LTBP1: variants seen among roughly 807,000 people sequenced by gnomAD.
The protein encoded by LTBP1 is latent transforming growth factor beta binding protein 1, also known as latent-transforming growth factor beta-binding protein 1.
A neutral mutation model predicts 207.6 loss-of-function variants in LTBP1; 129 were observed. The ratio of observed to expected loss-of-function variants is 0.62; its 90% CI spans 0.54 to 0.72. The LOEUF is 0.72. LTBP1 is among the 30% of genes least tolerant of loss of function. LTBP1 has a pLI of 0.00. For synonymous variants in LTBP1, 963 were observed against 833.7 expected, an observed-to-expected ratio of 1.16 and a Z score of -2.67; for missense variants, 2,281 against 2,217.2, an observed-to-expected ratio of 1.03 and a Z score of -0.58.
chr2:33,037,085 G>T (rs1398494941), intron 3 of LTBP1, among the ~76,000 whole-genome samples: 3 of 151,976 alleles, frequency 2.0e-5, no homozygotes, highest in Admixed American at 6.6e-5. Flanking sequence ...ACCTGGAAAT[G>T]ATTTTTGAGT....
intron 4 of LTBP1, among the ~76,000 whole-genome samples, chr2:33,133,117 T>A (rs137891541): frequency 3.3e-5 from 5 of 152,274 alleles, no homozygotes; most frequent in African/African-American, 9.6e-5. Context: ...GAGAGATGGT[T>A]GCGTTAGAAA....
chr2:33,359,273 C>T (rs1193935028), intron 26 of LTBP1, among the ~76,000 whole-genome samples: 3 of 152,122 alleles, frequency 2.0e-5, no homozygotes, highest in Non-Finnish European at 4.4e-5. Flanking sequence ...GCTTTGCTTG[C>T]TTTTAATGCC....
Position 33,217,647 on chromosome 2 carries a change from G to A in LTBP1, c.1797G>A (p.Lys599=), listed in dbSNP as rs1204403437. The change falls in exon 8 of 34, where the codon AAG becomes AAA. Residue 599 remains lysine (K), a synonymous_variant. Coordinates refer to ENST00000404816, the MANE Select transcript of LTBP1 (RefSeq NM_206943.4). ...WGFNKCQKCP[K]KPSYHGYNQM... ...TTAACAAATGCCAGAAATGCCCCAA[G>A]AAACCATGTAAGTAATGTTTCCTCA... 1.9e-6 allele frequency: 3 copies of A among 1,611,872 alleles called. No individual in the cohort carries two copies. In the East Asian group the frequency reaches 6.7e-5, roughly 36 times the overall value.
intron 5 of LTBP1, among the ~76,000 whole-genome samples, chr2:33,143,699 G>A (rs1037711132): frequency 3.3e-5 from 5 of 151,890 alleles, no homozygotes; most frequent in African/African-American, 9.7e-5. Context: ...TCCTGCTCCC[G>A]CTCTTGCATC....
intron 1 of LTBP1, 51 bp downstream of exon 1, chr2:32,947,869 G>A (rs764911989): frequency 3.0e-5 from 38 of 1,268,380 alleles, no homozygotes; most frequent in African/African-American, 4.7e-5. Context: ...CGCACCGCCC[G>A]CGGAGGGACC....
At chr2:33,295,351 AC>A (rs1314113487) in intron 20 of LTBP1, among the ~76,000 whole-genome samples, 1 of 152,016 alleles carries the variant, frequency 6.6e-6, no homozygotes, top group African/African-American at 2.4e-5. Context: ...ACATGGTGAA[AC>A]CCTGTCTCTA....
At position 33,175,811 on chromosome 2, in the gene LTBP1, A is replaced by G. The variant is rs564629539; in HGVS notation, c.1202-11045A>G. Among the ~76,000 whole-genome samples the G allele has an allele frequency of 4.4e-4, 54 of 122,742 alleles. 1 individual carries two copies. Among genetic ancestry groups the G allele is most frequent in the African/African-American group, 1.5e-3 (51 of 33,402 alleles). The allele number at this position is 122,742 out of a possible 152,430, so 80.5% of individuals were successfully genotyped here. On this transcript the variant is annotated intron_variant, in intron 5 of 33. Coordinates refer to ENST00000404816, the MANE Select transcript of LTBP1 (RefSeq NM_206943.4). ...AAATGTGGCACATGTACACCGTGGA[A>G]TACTATGCAGCCATAAAAAAATGAT...
At chr2:33,189,402 G>A (rs148019966) in intron 7 of LTBP1, among the ~76,000 whole-genome samples, 1 of 152,122 alleles carries the variant, frequency 6.6e-6, no homozygotes, top group Non-Finnish European at 1.5e-5. Flanking sequence ...CACCATGTTG[G>A]CCAGGTTGGT....
chr2:33,153,255 A>T (rs2083685368), intron 5 of LTBP1, among the ~76,000 whole-genome samples: 1 of 152,196 alleles, frequency 6.6e-6, no homozygotes, highest in East Asian at 1.9e-4. Context: ...GACAAGTTTC[A>T]TCAGAAAAGT....
intron 6 of LTBP1, 135 bp downstream of exon 6, chr2:33,187,215 G>A (rs2087305761): frequency 1.4e-6 from 1 of 696,800 alleles, no homozygotes; most frequent in Non-Finnish European, 2.4e-6. Context: ...CTGAGAAATG[G>A]CAGTAGAGAC....
intron 24 of LTBP1, among the ~76,000 whole-genome samples, chr2:33,318,784 A>T (rs1429996076): frequency 6.6e-6 from 1 of 152,166 alleles, no homozygotes; most frequent in East Asian, 1.9e-4. Context: ...TCGTTGTTTT[A>T]TGGTCCATTT....
At chr2:33,302,498 T>C (rs556058837) in intron 22 of LTBP1, among the ~76,000 whole-genome samples, 6 of 152,238 alleles carry the variant, frequency 3.9e-5, no homozygotes, top group East Asian at 1.9e-4. Context: ...TCACTACCAG[T>C]CCAGTGGATT....
chr2:33,331,750 G>A (rs2094496467), intron 24 of LTBP1, among the ~76,000 whole-genome samples: 1 of 152,020 alleles, frequency 6.6e-6, no homozygotes, highest in African/African-American at 2.4e-5. Context: ...CCGATTTTTT[G>A]TCTGCTTACT....
intron 5 of LTBP1, among the ~76,000 whole-genome samples, chr2:33,173,521 C>G (rs2148487999): frequency 6.6e-6 from 1 of 152,124 alleles, no homozygotes; most frequent in East Asian, 1.9e-4. Flanking sequence ...CACTAGCTTA[C>G]CAACCAAAAA....
chr2:33,152,709 C>T (rs1345996627), intron 5 of LTBP1, among the ~76,000 whole-genome samples: 1 of 152,200 alleles, frequency 6.6e-6, no homozygotes, highest in African/African-American at 2.4e-5. Context: ...ATGCTGGCCT[C>T]TTCGTGAGCT....
At chr2:33,104,605 C>G (rs765245975) in intron 3 of LTBP1, among the ~76,000 whole-genome samples, 35 of 152,160 alleles carry the variant, frequency 2.3e-4, no homozygotes, top group Admixed American at 4.6e-4. Context: ...TGTTTTTCTC[C>G]TCTTCTGACT....
chr2:33,095,934 GAA>G (rs1434838960), intron 3 of LTBP1, among the ~76,000 whole-genome samples: 1 of 152,072 alleles, frequency 6.6e-6, no homozygotes, highest in Non-Finnish European at 1.5e-5. Context: ...CAGAAGGTAA[GAA>G]GAGAGCAAAT....
At chr2:33,064,511 G>C (rs1313772547) in intron 3 of LTBP1, among the ~76,000 whole-genome samples, 1 of 152,172 alleles carries the variant, frequency 6.6e-6, no homozygotes, top group African/African-American at 2.4e-5. Flanking sequence ...ATGGGGTAAT[G>C]CAGAGTAGCC....
intron 10 of LTBP1, among the ~76,000 whole-genome samples, chr2:33,251,157 G>A (rs770315046): frequency 6.6e-6 from 1 of 152,160 alleles, no homozygotes; most frequent in African/African-American, 2.4e-5. Flanking sequence ...TGGCCCACCT[G>A]GTAGCCTCAT....
Sources: gnomAD v4.1 joint callset for allele counts (sites outside exome capture counted in the v4.1 genomes callset) on GRCh38, gnomAD v4.1.1 for gene constraint, MANE v1.5 for transcripts, NCBI Gene and HGNC (gene_info 2026-07-23, HGNC 2026-07-21) for gene names.